Variants in DHX35 observed in about 807,000 individuals in gnomAD.
The protein encoded by DHX35 is DEAH-box helicase 35.
DHX35 carries 84 observed loss-of-function variants against 99.6 expected under a neutral mutation model. The observed-to-expected ratio is 0.84, with a 90% CI of 0.71 to 1.01. The LOEUF (loss-of-function observed/expected upper bound fraction) is 1.01, where lower values mean the gene tolerates loss of function less well. Among genes scored for constraint, DHX35 ranks in the 50% least tolerant of loss-of-function variants. DHX35 has a pLI of 0.00. For missense variants in DHX35, 852 were observed against 888.5 expected (o/e 0.96, Z 0.52); for synonymous variants, 331 against 316.2 (o/e 1.05, Z -0.50).
chr20:39,011,684 G>C (rs2086705654), intron 13 of DHX35, among the ~76,000 whole-genome samples: 1 of 152,064 alleles, frequency 6.6e-6, no homozygotes, highest in African/African-American at 2.4e-5. Context: ...TTATATTTGG[G>C]TCAGTTAATA....
intron 18 of DHX35, among the ~76,000 whole-genome samples, chr20:39,027,247 A>G (rs1352475252): frequency 6.6e-6 from 1 of 152,240 alleles, no homozygotes; most frequent in African/African-American, 2.4e-5. Context: ...AGTGCTTAGG[A>G]AAAATACAGA....
At chr20:39,028,719 G>A (rs1014951531) in intron 19 of DHX35, among the ~76,000 whole-genome samples, 8 of 152,184 alleles carry the variant, frequency 5.3e-5, no homozygotes, top group African/African-American at 1.7e-4. Context: ...TATGTTGTAT[G>A]TTTTAGAAGG....
Position 38,974,608 on chromosome 20 carries a change from T to G in DHX35, c.267+1957T>G, listed in dbSNP as rs567726327. Among the ~76,000 whole-genome samples the G allele has an allele frequency of 3.9e-5, 6 of 152,322 alleles. No individual in the cohort carries two copies. The East Asian group carries it at 9.6e-4, about 24-fold the overall frequency. On this transcript the variant is annotated intron_variant, in intron 3 of 21. Coordinates refer to ENST00000252011, the MANE Select transcript of DHX35 (RefSeq NM_021931.4). ...CCTTTGATGACATTAGCAGGAAGTT[T>G]GGAATGGGAATCTGAAGCTTGGCAG...
rs2086525790 is a variant in DHX35, at chr20:39,001,848, A to G, written c.755+6A>G. ...GATATCTTTTATCTACAAAGGTTTG[A>G]TGATGCTTGAATTCTGGATGATGGT... On this transcript the variant is annotated splice_donor_region_variant and intron_variant, in intron 9 of 21. Coordinates refer to ENST00000252011, the MANE Select transcript of DHX35 (RefSeq NM_021931.4). 6.3e-7 allele frequency: 1 copy of G among 1,593,206 alleles called. No homozygotes were observed. Among genetic ancestry groups the G allele is most frequent in the South Asian group, 1.1e-5 (1 of 89,526 alleles).
At chr20:38,998,542 C>T (rs1462521967) in intron 8 of DHX35, among the ~76,000 whole-genome samples, 1 of 152,090 alleles carries the variant, frequency 6.6e-6, no homozygotes, top group African/African-American at 2.4e-5. Flanking sequence ...ATAGACTGTC[C>T]CCTGCCTTTT....
At chr20:38,969,037 T>A in intron 1 of DHX35, 44 bp from the exon 2 acceptor site, 1 of 1,548,878 alleles carries the variant, frequency 6.5e-7, no homozygotes, top group Non-Finnish European at 8.7e-7. Context: ...CCTTTTTCTG[T>A]TCATTGTATC....
intron 11 of DHX35, among the ~76,000 whole-genome samples, chr20:39,005,573 A>C (rs2086602409): frequency 6.6e-6 from 1 of 152,130 alleles, no homozygotes; most frequent in Admixed American, 6.6e-5. Context: ...TATTTTCTTT[A>C]TAGTATTTGT....
chr20:39,026,570 G>A (rs1374106271), intron 18 of DHX35, among the ~76,000 whole-genome samples: 1 of 152,210 alleles, frequency 6.6e-6, no homozygotes, highest in East Asian at 1.9e-4. Context: ...CGGGAAGAAG[G>A]AATCCAGAGA....
At chr20:39,033,542 C>T (rs1172611964) in intron 20 of DHX35, among the ~76,000 whole-genome samples, 1 of 152,106 alleles carries the variant, frequency 6.6e-6, no homozygotes, top group East Asian at 1.9e-4. Context: ...GGGTGGGGAA[C>T]CACAGTATGG....
chr20:39,015,013 G>T, intron 14 of DHX35, 79 bp downstream of exon 14: 1 of 1,524,006 alleles, frequency 6.6e-7, no homozygotes, highest in East Asian at 2.3e-5. Flanking sequence ...TCACTTTAGG[G>T]ATTTTAGTAT....
rs973058420 is a variant in DHX35, at chr20:38,972,442, T to C, written c.175-117T>C. On this transcript the variant is annotated intron_variant, in intron 2 of 21. Coordinates refer to ENST00000252011, the MANE Select transcript of DHX35 (RefSeq NM_021931.4). Reference sequence around the variant, plus strand: ...GAGGGTTAGAAATACATTTTGATAGTTCTACTTAAAATTCACTTTCCTTTG... The same window carrying C: ...GAGGGTTAGAAATACATTTTGATAGCTCTACTTAAAATTCACTTTCCTTTG... The C allele has an allele frequency of 8.3e-5, 55 of 664,066 alleles. No homozygotes were observed. The African/African-American group carries it at 9.8e-4, about 12-fold the overall frequency. The allele number at this position is 664,066 out of a possible 1,614,324, so 41.1% of individuals were successfully genotyped here. A position where few individuals can be genotyped will look rare whatever the true frequency, so the allele number is the denominator to read the frequency against.
chr20:38,968,327 C>A (rs2085940329), intron 1 of DHX35, among the ~76,000 whole-genome samples: 1 of 152,206 alleles, frequency 6.6e-6, no homozygotes, highest in African/African-American at 2.4e-5. Flanking sequence ...AAAGCCATGG[C>A]TGCTTTGAGT....
chr20:39,024,874 G>A (rs2094270656), intron 17 of DHX35, among the ~76,000 whole-genome samples: 1 of 152,178 alleles, frequency 6.6e-6, no homozygotes, highest in Non-Finnish European at 1.5e-5. Flanking sequence ...GTATAATAAA[G>A]TGATACATTC....
At chr20:38,981,636 A>G (rs2086173962) in intron 3 of DHX35, among the ~76,000 whole-genome samples, 1 of 152,094 alleles carries the variant, frequency 6.6e-6, no homozygotes, top group Non-Finnish European at 1.5e-5. Flanking sequence ...TTATTGGAGA[A>G]TGATGTTTAG....
chr20:39,025,424 G>A (rs2086942184), intron 18 of DHX35, 65 bp downstream of exon 18: 1 of 1,581,176 alleles, frequency 6.3e-7, no homozygotes. Context: ...TCTTCCTAAA[G>A]TTCTCATGCT....
Position 39,023,730 on chromosome 20 carries a change from A to G in DHX35, c.1634A>G (p.His545Arg). ...AAATTTGCTGTGGAGGAGGGCGACCACCTCACTATGCTCAATATATATGAA... is the reference window on the plus strand; with the variant it reads ...AAATTTGCTGTGGAGGAGGGCGACCGCCTCACTATGCTCAATATATATGAA... ...HRKFAVEEGD[H>R]LTMLNIYEAF... The change falls in exon 17 of 22, where the codon CAC (histidine) becomes CGC (arginine). Residue 545 changes from histidine to arginine, a missense_variant. Physicochemically the swap from His to Arg is conservative, Grantham distance 29 (BLOSUM62 0). Transcript: ENST00000252011. 6.2e-7 allele frequency: 1 copy of G among 1,614,070 alleles called. No homozygotes were observed. Among genetic ancestry groups the G allele is most frequent in the Admixed American group, 1.7e-5 (1 of 60,006 alleles).
At chr20:39,010,208 T>A in intron 12 of DHX35, 72 bp from the exon 13 acceptor site, 3 of 1,609,472 alleles carry the variant, frequency 1.9e-6, no homozygotes, top group Non-Finnish European at 2.5e-6. Flanking sequence ...AGAAGAAAAT[T>A]TGTCCCTTGG....
intron 2 of DHX35, among the ~76,000 whole-genome samples, chr20:38,971,329 G>A (rs142153977): frequency 2.2e-3 from 339 of 152,232 alleles, no homozygotes; most frequent in Non-Finnish European, 3.5e-3. Context: ...CTCCTGCCTG[G>A]GCAACAGAGC....
intron 17 of DHX35, among the ~76,000 whole-genome samples, chr20:39,024,782 T>C (rs2086926583): frequency 1.3e-5 from 2 of 152,230 alleles, no homozygotes; most frequent in South Asian, 2.1e-4. Flanking sequence ...ATACTGTTGA[T>C]AGAAAAATCA....
Sources: gnomAD v4.1 joint callset for allele counts (sites outside exome capture counted in the v4.1 genomes callset) on GRCh38, gnomAD v4.1.1 for gene constraint, MANE v1.5 for transcripts, NCBI Gene and HGNC (gene_info 2026-07-23, HGNC 2026-07-21) for gene names.